Variants in FASN observed in about 807,000 individuals in gnomAD.
FASN encodes fatty acid synthase, also known as 3-hydroxyacyl-[acyl-carrier-protein] dehydratase.
In FASN, 50 loss-of-function variants were observed where a neutral mutation model predicts 250.0. That is an observed-to-expected ratio of 0.20 (90% CI 0.16 to 0.25). The LOEUF is 0.25. Among genes scored for constraint, FASN ranks in the 10% least tolerant of loss-of-function variants. The probability of loss-of-function intolerance (pLI) is 1.00; values close to 1 mark genes in which losing one functional copy is unlikely to be tolerated. For missense variants in FASN, 3,031 were observed against 3,498.5 expected, an observed-to-expected ratio of 0.87 and a Z score of 3.37; for synonymous variants, 1,909 against 1,584.0, an observed-to-expected ratio of 1.21 and a Z score of -4.87.
rs747363188 is a variant in FASN at position 82,084,899 on chromosome 17, C to T, written c.4464G>A (p.Pro1488=). Residue 1488 remains proline (P), a synonymous_variant, in exon 26 of 43, where the codon CCG becomes CCA. Transcript: ENST00000306749. The stretch of plus-strand genomic sequence containing the variant: ...ACACCTTCTGCAGTTCTGCGGAGCC[C>T]GGGTCCACCTCCGGGACGTGGGAGG... The part of the protein sequence containing the change: ...SSTSHVPEVD[P]GSAELQKVLQ... 7 of 1,551,468 alleles carry T rather than the reference C, an allele frequency of 4.5e-6. No homozygotes were observed. The highest frequency in any genetic ancestry group is 3.6e-5 in the South Asian group (3 of 84,250).
At chr17:82,090,331 G>C in intron 11 of FASN, 44 bp downstream of exon 11, 1 of 1,538,372 alleles carries the variant, frequency 6.5e-7, no homozygotes, top group Non-Finnish European at 8.8e-7. Flanking sequence ...CGAGAAGGCA[G>C]CCTCCTTTCT....
In FASN at chr17:82,082,107, A is replaced by C. The variant is rs768605367; in HGVS notation, c.6065T>G (p.Val2022Gly). 6.2e-7 allele frequency: 1 copy of C among 1,608,410 alleles called. No homozygotes were observed. Among genetic ancestry groups the C allele is most frequent in the Non-Finnish European group, 8.5e-7 (1 of 1,179,942 alleles). Reference sequence around the variant, plus strand: ...TCCCGCATTGCCACGCCCGCAGCTCACAGAGGAGAAGACCACAAAGTAGTC... The same window carrying C: ...TCCCGCATTGCCACGCCCGCAGCTCCCAGAGGAGAAGACCACAAAGTAGTC... ...ELDYFVVFSS[V>G]SCGRGNAGQS... The change falls in exon 36 of 43, where the codon GTG becomes GGG. Residue 2022 changes from valine to glycine, a missense_variant. Val to Gly is a moderately radical substitution (Grantham distance 109). Coordinates refer to ENST00000306749, the MANE Select transcript of FASN (RefSeq NM_004104.5).
Position 82,089,182 on chromosome 17 carries a change from G to A in FASN, c.2101-10C>T, listed in dbSNP as rs1486723196. 6 of 1,590,848 alleles carry A rather than the reference G, an allele frequency of 3.8e-6. No individual in the cohort carries two copies. In the South Asian group the frequency reaches 5.6e-5, roughly 15 times the overall value. On this transcript the variant is annotated splice_polypyrimidine_tract_variant and intron_variant, in intron 13 of 42. Transcript: ENST00000306749. The stretch of plus-strand genomic sequence containing the variant: ...TCGGCTCCCGGATCACCTGCATGAG[G>A]GGCCAGGTCAGTGCTGGGTTGTGGG...
chr17:82,093,607 CGAA>C lies in FASN; in HGVS notation c.442_444del (p.Phe148del), dbSNP rs2034252991. The C allele has an allele frequency of 1.2e-6, 2 of 1,612,738 alleles. No individual in the cohort carries two copies. The highest frequency in any genetic ancestry group is 1.7e-6 in the Non-Finnish European group (2 of 1,179,982). On this transcript the variant is annotated inframe_deletion, in exon 4 of 43. Transcript: ENST00000306749. ...GCTGGGCAGGACCCACCTCTGAAGT[CGAA>C]GAAGAAGGAGAGCCGGTTGGCCATC...
In FASN at chr17:82,084,042, C is replaced by G. The variant is rs373883359; in HGVS notation, c.5031G>C (p.Ser1677=). ...CGATGGCGGCCTGGCCCACGCCGCCCGAGCCCGAGTGGATGAGCAGCGTCT... is the reference window on the plus strand; with the variant it reads ...CGATGGCGGCCTGGCCCACGCCGCCGGAGCCCGAGTGGATGAGCAGCGTCT... ...PGETLLIHSG[S]GGVGQAAIAI... is the part of the protein sequence containing the mutation. The change falls in exon 29 of 43, where the codon TCG becomes TCC. Residue 1677 remains serine, a synonymous_variant. Coordinates refer to ENST00000306749, the MANE Select transcript of FASN (RefSeq NM_004104.5). 7.1e-6 allele frequency: 11 copies of G among 1,542,814 alleles called. No individual in the cohort carries two copies. Among genetic ancestry groups the G allele is most frequent in the Non-Finnish European group, 1.7e-6 (2 of 1,146,140 alleles).
chr17:82,080,042 C>T (rs1440266249), intron 41 of FASN, 98 bp downstream of exon 41: 1 of 1,320,556 alleles, frequency 7.6e-7, no homozygotes, highest in African/African-American at 1.4e-5. Context: ...GTTGGGGGGC[C>T]TTTAACGCTC....
chr17:82,097,931 G>A (rs1469188441), intron 1 of FASN, among the ~76,000 whole-genome samples, 190 bp downstream of exon 1: 2 of 151,958 alleles, frequency 1.3e-5, no homozygotes, highest in African/African-American at 2.4e-5. Context: ...CACCTACTCC[G>A]CGGGGCCCCG....
At chr17:82,094,934 G>T (rs1185432773) in intron 3 of FASN, among the ~76,000 whole-genome samples, 1 of 149,984 alleles carries the variant, frequency 6.7e-6, no homozygotes, top group Non-Finnish European at 1.5e-5. Flanking sequence ...AGTGGGGAGG[G>T]TGGGAGGGGA....
In FASN at chr17:82,079,068, C is replaced by T. The variant is rs1227419400; in HGVS notation, c.*75G>A. On this transcript the variant is annotated 3_prime_UTR_variant, in exon 43 of 43. Coordinates refer to ENST00000306749, the MANE Select transcript of FASN (RefSeq NM_004104.5). ...TCCCACCGGCAGGACCCTTCAATCCCGTTGCATGGCGGGGGTGGGGTGGGG... is the reference window on the plus strand; with the variant it reads ...TCCCACCGGCAGGACCCTTCAATCCTGTTGCATGGCGGGGGTGGGGTGGGG... 27 of 1,416,288 alleles carry T rather than the reference C, an allele frequency of 1.9e-5. No individual in the cohort carries two copies. Among genetic ancestry groups the T allele is most frequent in the South Asian group, 1.7e-4 (14 of 80,346 alleles). The allele number at this position is 1,416,288 out of a possible 1,614,324, so 87.7% of individuals were successfully genotyped here.
At chr17:82,089,927 G>A (rs948123129) in intron 11 of FASN, among the ~76,000 whole-genome samples, 3 of 152,210 alleles carry the variant, frequency 2.0e-5, no homozygotes, top group Non-Finnish European at 4.4e-5. Context: ...CACTCCAGGG[G>A]CAGCTCCTGG....
Position 82,085,152 on chromosome 17 carries a change from A to G in FASN, c.4292T>C (p.Ile1431Thr). 6.2e-7 allele frequency: 1 copy of G among 1,611,360 alleles called. No individual in the cohort carries two copies. Among genetic ancestry groups the G allele is most frequent in the Non-Finnish European group, 8.5e-7 (1 of 1,179,246 alleles). ...CCGGGAAGAGTCTTCGTCAGCCAGGATGCCCTACAGCGGGTCGGGGAGGGT... is the reference window on the plus strand; with the variant it reads ...CCGGGAAGAGTCTTCGTCAGCCAGGGTGCCCTACAGCGGGTCGGGGAGGGT... ...SFRWVESLKG[I>T]LADEDSSRPV... The change falls in exon 25 of 43, where the codon ATC (isoleucine) becomes ACC (threonine). Residue 1431 changes from isoleucine (I) to threonine (T), a missense_variant. By Grantham distance (89) the Ile-to-Thr change is moderately conservative. Transcript: ENST00000306749.
chr17:82,083,151 C>T lies in FASN; in HGVS notation c.5566-36G>A, dbSNP rs1203464362. 4 of 1,610,682 alleles carry T rather than the reference C, an allele frequency of 2.5e-6. No individual in the cohort carries two copies. The African/African-American group carries it at 4.0e-5, about 16-fold the overall frequency. ...GCAGCACCCACCGGCTCAGGCACTG[C>T]CTGGGGACCAGAGCCTGGGGTGCCC... On this transcript the variant is annotated intron_variant, in intron 32 of 42. Transcript: ENST00000306749.
chr17:82,090,251 G>A, intron 11 of FASN, 124 bp downstream of exon 11: 3 of 943,264 alleles, frequency 3.2e-6, no homozygotes, highest in South Asian at 1.7e-5. Context: ...CGAGCTGGGT[G>A]TCCCCGGGCC....
chr17:82,080,104 C>A, intron 41 of FASN, 36 bp downstream of exon 41: 1 of 1,597,190 alleles, frequency 6.3e-7, no homozygotes, highest in Non-Finnish European at 8.6e-7. Context: ...GCCCAGTACT[C>A]TGGGTCCTGC....
Position 82,078,977 on chromosome 17 carries a change from G to A in FASN, c.*166C>T, listed in dbSNP as rs558553256. ...CGAGGTGCCGTGGGAGGCGGCGGGT[G>A]GGTGGGACATGCCTAACACCTACAT... On this transcript the variant is annotated 3_prime_UTR_variant, in exon 43 of 43. Coordinates refer to ENST00000306749, the MANE Select transcript of FASN (RefSeq NM_004104.5). This position sits in a 1 kb window ranked among gnomAD's most constrained non-coding sequence, Gnocchi z 5.4. 4.4e-5 allele frequency: 36 copies of A among 816,428 alleles called. No individual in the cohort carries two copies. Among genetic ancestry groups the A allele is most frequent in the Non-Finnish European group, 6.6e-5 (34 of 516,134 alleles). 50.6% of individuals were successfully genotyped at this position (816,428 alleles called of 1,614,324 possible).
In FASN at chr17:82,092,698, T is replaced by A; in HGVS notation, c.893A>T (p.Lys298Met). ...TGGGGCGGGGGGGGGGGGCATCACC[T>A]TGGTGCCTGTGCCGTGGGCTTCGAT... ...EYIEAHGTGT[K>M]VGDPQELNGI... The change falls in exon 7 of 43, where the codon AAG (lysine) becomes ATG (methionine). Residue 298 changes from lysine to methionine, a missense_variant and splice_region_variant. Transcript: ENST00000306749. 1 of 1,575,718 alleles carries A rather than the reference T, an allele frequency of 6.3e-7. No individual in the cohort carries two copies. The highest frequency in any genetic ancestry group is 8.6e-7 in the Non-Finnish European group (1 of 1,160,046).
Position 82,085,470 on chromosome 17 carries a change from C to A in FASN, c.4122+12G>T, listed in dbSNP as rs762565405. On this transcript the variant is annotated intron_variant, in intron 23 of 42. Coordinates refer to ENST00000306749, the MANE Select transcript of FASN (RefSeq NM_004104.5). The stretch of plus-strand genomic sequence containing the variant: ...CCGGCCCCCACCCTGTCCCCCTGCC[C>A]GGCGGCCGCACCTGGCTCAGGATGC... The A allele has an allele frequency of 2.5e-6, 4 of 1,590,058 alleles. No homozygotes were observed. In the South Asian group the frequency reaches 3.4e-5, roughly 14 times the overall value.
intron 4 of FASN, 66 bp downstream of exon 4, chr17:82,093,532 G>A: frequency 6.2e-7 from 1 of 1,607,330 alleles, no homozygotes. Context: ...CACGCCACGT[G>A]GTTTCTGCTC....
Position 82,081,180 on chromosome 17 carries a change from C to T in FASN, c.6579G>A (p.Lys2193=), listed in dbSNP as rs906578281. Residue 2193 remains lysine (K), a synonymous_variant, in exon 38 of 43, where the codon AAG becomes AAA. Transcript: ENST00000306749. Reference sequence around the variant, plus strand: ...CACACGCACCGCTGGCCTCATCCGCCTTTGAGGACAGCTCCTGCAGTTTCC... The same window carrying T: ...CACACGCACCGCTGGCCTCATCCGCTTTTGAGGACAGCTCCTGCAGTTTCC... ...TLRKLQELSS[K]ADEASELACP... 1.9e-6 allele frequency: 3 copies of T among 1,589,354 alleles called. No individual in the cohort carries two copies. Among genetic ancestry groups the T allele is most frequent in the Non-Finnish European group, 2.6e-6 (3 of 1,168,994 alleles).
Sources: gnomAD v4.1 joint callset for allele counts (sites outside exome capture counted in the v4.1 genomes callset) on GRCh38, gnomAD v4.1.1 for gene constraint, Gnocchi (gnomAD v3.1) non-coding constraint, MANE v1.5 for transcripts, NCBI Gene and HGNC (gene_info 2026-07-23, HGNC 2026-07-21) for gene names.